Variants in SUSD1 observed in about 807,000 individuals in gnomAD.
SUSD1 encodes the protein sushi domain-containing protein 1.
A neutral mutation model predicts 86.9 loss-of-function variants in SUSD1; 65 were observed. The ratio of observed to expected loss-of-function variants is 0.75; its 90% CI spans 0.61 to 0.92. The LOEUF (loss-of-function observed/expected upper bound fraction) is 0.92. SUSD1 is among the 40% of genes least tolerant of loss of function. The pLI, the probability that SUSD1 is intolerant of heterozygous loss-of-function variation, is 0.00. For missense variants in SUSD1, 850 were observed against 929.7 expected, an observed-to-expected ratio of 0.91 and a Z score of 1.11; for synonymous variants, 346 against 350.0, an observed-to-expected ratio of 0.99 and a Z score of 0.13.
intron 10 of SUSD1, among the ~76,000 whole-genome samples, chr9:112,086,938 GT>G (rs1830010975): frequency 6.6e-6 from 1 of 151,302 alleles, no homozygotes; most frequent in African/African-American, 2.4e-5. Context: ...CAGCAATTCT[GT>G]CCTGGGAATT....
intron 9 of SUSD1, among the ~76,000 whole-genome samples, chr9:112,100,742 G>A (rs1054098878): frequency 6.6e-6 from 1 of 151,696 alleles, no homozygotes; most frequent in Non-Finnish European, 1.5e-5. Context: ...TGAGGCAGGA[G>A]AATTGCTTGA....
intron 10 of SUSD1, among the ~76,000 whole-genome samples, chr9:112,081,979 G>T (rs1205701494): frequency 6.6e-6 from 1 of 152,096 alleles, no homozygotes; most frequent in Non-Finnish European, 1.5e-5. Flanking sequence ...GTTTAATAGG[G>T]TTTATAAGAA....
chr9:112,132,262 A>G (rs1239244062), intron 5 of SUSD1, among the ~76,000 whole-genome samples: 3 of 152,218 alleles, frequency 2.0e-5, no homozygotes, highest in African/African-American at 7.2e-5. Flanking sequence ...GCTGAGAAAG[A>G]AAAAAGTGAC....
intron 12 of SUSD1, among the ~76,000 whole-genome samples, chr9:112,076,958 C>A (rs953069814): frequency 6.6e-6 from 1 of 152,124 alleles, no homozygotes; most frequent in Admixed American, 6.6e-5. Context: ...ATGTTTCCCA[C>A]GTGGGATGAG....
intron 12 of SUSD1, among the ~76,000 whole-genome samples, chr9:112,065,241 G>A (rs748558100): frequency 1.5e-4 from 23 of 152,024 alleles, no homozygotes; most frequent in Non-Finnish European, 2.8e-4. Flanking sequence ...TAAAAACACC[G>A]GCCAGGGACA....
chr9:112,157,441 A>G, intron 2 of SUSD1, 59 bp downstream of exon 2: 1 of 1,242,494 alleles, frequency 8.0e-7, no homozygotes, highest in Non-Finnish European at 1.2e-6. Flanking sequence ...ACTCTTTAAT[A>G]CAAGAGAATC....
At chr9:112,155,206 G>A (rs1420520109) in intron 2 of SUSD1, among the ~76,000 whole-genome samples, 12 of 150,716 alleles carry the variant, frequency 8.0e-5, no homozygotes, top group African/African-American at 2.2e-4. Flanking sequence ...AGCCAAGATC[G>A]CACCACCGCA....
intron 12 of SUSD1, among the ~76,000 whole-genome samples, chr9:112,072,603 T>C (rs1829331690): frequency 6.6e-6 from 1 of 152,174 alleles, no homozygotes; most frequent in South Asian, 2.1e-4. Context: ...AAAGCTAACT[T>C]TGGCTGAGAT....
chr9:112,162,668 C>T lies in SUSD1; in HGVS notation c.104-5055G>A, dbSNP rs148379830. Among the ~76,000 whole-genome samples, 608 of 152,222 alleles carry T rather than the reference C, an allele frequency of 4.0e-3. 2 individuals are homozygous for T. The highest frequency in any genetic ancestry group is 0.013 in the African/African-American group (525 of 41,526). On this transcript the variant is annotated intron_variant, in intron 1 of 16. Coordinates refer to ENST00000374270, the MANE Select transcript of SUSD1 (RefSeq NM_022486.5). Reference sequence around the variant, plus strand: ...TGTTGGAACTTTAAATTATACCAAGCCTTGAGAGGAATGTGGCTATGCAGT... The same window carrying T: ...TGTTGGAACTTTAAATTATACCAAGTCTTGAGAGGAATGTGGCTATGCAGT...
At chr9:112,091,904 A>G (rs1830221298) in intron 10 of SUSD1, among the ~76,000 whole-genome samples, 1 of 152,202 alleles carries the variant, frequency 6.6e-6, no homozygotes, top group Non-Finnish European at 1.5e-5. Context: ...ACCTGTGACT[A>G]TATTACAAGG....
chr9:112,151,931 G>C (rs2131799186), intron 2 of SUSD1, among the ~76,000 whole-genome samples: 1 of 152,270 alleles, frequency 6.6e-6, no homozygotes, highest in South Asian at 2.1e-4. Flanking sequence ...TTACTCAGGA[G>C]GCTGAGGCAG....
At chr9:112,148,847 A>C (rs2131785044) in intron 3 of SUSD1, among the ~76,000 whole-genome samples, 1 of 152,026 alleles carries the variant, frequency 6.6e-6, no homozygotes, top group Non-Finnish European at 1.5e-5. Flanking sequence ...CGGAGGTTAC[A>C]GAGAGTCGAG....
At chr9:112,049,299 A>G (rs1466939896) in intron 15 of SUSD1, among the ~76,000 whole-genome samples, 1 of 152,246 alleles carries the variant, frequency 6.6e-6, no homozygotes, top group Non-Finnish European at 1.5e-5. Flanking sequence ...ACAGCTTATT[A>G]TCATCTCACA....
chr9:112,135,693 G>C (rs1832232466), intron 5 of SUSD1, among the ~76,000 whole-genome samples: 1 of 152,172 alleles, frequency 6.6e-6, no homozygotes, highest in Non-Finnish European at 1.5e-5. Flanking sequence ...TCATTTTATA[G>C]TAAGAAGTTT....
rs145641545 is a variant in SUSD1 at position 112,141,495 on chromosome 9, G to A, written c.706+825C>T. 2.7e-4 allele frequency among the ~76,000 whole-genome samples: 41 copies of A among 151,876 alleles called. No homozygotes were observed. The East Asian group carries it at 7.2e-3, about 26-fold the overall frequency. On this transcript the variant is annotated intron_variant, in intron 5 of 16. Coordinates refer to ENST00000374270, the MANE Select transcript of SUSD1 (RefSeq NM_022486.5). The stretch of plus-strand genomic sequence containing the variant: ...AGTTCAAGACTAGCCTGGCCAACAC[G>A]GTGAAACCCCATCTTTACTAAAAAC...
chr9:112,076,998 G>A (rs976778482), intron 12 of SUSD1, among the ~76,000 whole-genome samples: 1 of 152,230 alleles, frequency 6.6e-6, no homozygotes, highest in Non-Finnish European at 1.5e-5. Context: ...TAGGGCTGTG[G>A]AGCCTACAGA....
At chr9:112,042,172 A>C in intron 15 of SUSD1, 1 of 1,537,222 alleles carries the variant, frequency 6.5e-7, no homozygotes, top group Non-Finnish European at 8.7e-7. Context: ...ATTTCTGAAA[A>C]GGAAGTGTAA....
At chr9:112,065,901 G>A (rs763948447) in intron 12 of SUSD1, among the ~76,000 whole-genome samples, 2 of 152,208 alleles carry the variant, frequency 1.3e-5, no homozygotes, top group African/African-American at 4.8e-5. Flanking sequence ...AGCCGTCAGC[G>A]CCTGTTGGCA....
intron 1 of SUSD1, among the ~76,000 whole-genome samples, chr9:112,165,902 G>A (rs143643116): frequency 0.017 from 1,456 of 86,204 alleles, 34 homozygotes; most frequent in East Asian, 0.043. Context: ...AGAAAGAAAG[G>A]AAGGAAGGAA....
Sources: allele counts gnomAD v4.1 joint callset (sites outside exome capture counted in the v4.1 genomes callset), GRCh38; gene constraint gnomAD v4.1.1; transcripts MANE v1.5; gene names NCBI Gene and HGNC (gene_info 2026-07-23, HGNC 2026-07-21).